The following FAT1 variants were observed in gnomAD, a reference collection of about 807,000 sequenced individuals.
FAT1 encodes FAT atypical cadherin 1.
A neutral mutation model predicts 329.8 loss-of-function variants in FAT1; 171 were observed. The observed-to-expected ratio is 0.52, with a 90% CI of 0.46 to 0.59. The LOEUF (loss-of-function observed/expected upper bound fraction) is 0.59. Among genes scored for constraint, FAT1 ranks in the 20% least tolerant of loss-of-function variants. The pLI, the probability that FAT1 is intolerant of heterozygous loss-of-function variation, is 0.00. For missense variants in FAT1, 5,672 were observed against 5,774.4 expected, an observed-to-expected ratio of 0.98 and a Z score of 0.57; for synonymous variants, 2,233 against 2,228.6, an observed-to-expected ratio of 1.00 and a Z score of -0.06.
chr4:186,678,442 TAATA>T (rs1388075770), intron 2 of FAT1, among the ~76,000 whole-genome samples: 6 of 149,524 alleles, frequency 4.0e-5, no homozygotes, highest in Non-Finnish European at 5.9e-5. Context: ...TATAATATAA[TAATA>T]AATAAATATT....
Position 186,595,869 on chromosome 4 carries a change from G to A in FAT1, c.13001-43C>T, listed in dbSNP as rs139127716. The A allele has an allele frequency of 9.4e-5, 151 of 1,606,380 alleles. 1 individual carries two copies. The African/African-American group carries it at 1.7e-3, about 18-fold the overall frequency. On this transcript the variant is annotated intron_variant, in intron 25 of 26. Transcript: ENST00000441802. ...AAACAGTAAGTATATGGGCCAAGAC[G>A]GTTTTGTTCACCGCTGAATCCTGAG...
Position 186,600,281 on chromosome 4 carries a change from T to C in FAT1, c.11720A>G (p.Asn3907Ser), listed in dbSNP as rs200662687. The stretch of plus-strand genomic sequence containing the variant: ...GGCCACTGCGTGCCACTGCCCATCA[T>C]TGACCTGAATGCTCTGAACAGAGAC... The part of the protein sequence containing the change: ...GIVSVQSIQV[N>S]DGQWHAVALE... Residue 3907 changes from asparagine to serine, a missense_variant, in exon 22 of 27, where the codon AAT (asparagine) becomes AGT (serine). Asn to Ser is a conservative substitution (Grantham distance 46, BLOSUM62 1). Around this residue, in one of 2 missense-constraint regions of FAT1, gnomAD observed 1,706 missense variants for 1,859.1 expected, o/e 0.92. Transcript: ENST00000441802. 2.1e-4 allele frequency: 342 copies of C among 1,613,892 alleles called. 2 individuals are homozygous for C. Among genetic ancestry groups the C allele is most frequent in the South Asian group, 1.8e-3 (164 of 91,012 alleles).
At position 186,618,331 on chromosome 4, in the gene FAT1, A is replaced by G. The variant is rs1279435939; in HGVS notation, c.8255T>C (p.Val2752Ala). 6.2e-7 allele frequency: 1 copy of G among 1,614,044 alleles called. No homozygotes were observed. The highest frequency in any genetic ancestry group is 8.5e-7 in the Non-Finnish European group (1 of 1,179,898). ...TPESNRDESF[V>A]IDRQSGRLKL... ...CAGTCTCCCGCTCTGTCTGTCAATCACAAAGGACTCATCCCTATTGCTTTC... is the reference window on the plus strand; with the variant it reads ...CAGTCTCCCGCTCTGTCTGTCAATCGCAAAGGACTCATCCCTATTGCTTTC... Residue 2752 changes from valine (V) to alanine (A), a missense_variant, in exon 10 of 27, where the codon GTG (valine) becomes GCG (alanine). Coordinates refer to ENST00000441802, the MANE Select transcript of FAT1 (RefSeq NM_005245.4).
intron 11 of FAT1, among the ~76,000 whole-genome samples, chr4:186,616,316 C>G (rs972347884): frequency 6.6e-6 from 1 of 152,124 alleles, no homozygotes; most frequent in Non-Finnish European, 1.5e-5. Flanking sequence ...CACCCTTTTC[C>G]AAGACTCTCA....
intron 2 of FAT1, among the ~76,000 whole-genome samples, chr4:186,666,479 A>C (rs952006721): frequency 3.9e-5 from 6 of 152,222 alleles, no homozygotes; most frequent in Admixed American, 2.6e-4. Flanking sequence ...CACATTAACA[A>C]AATGTACACA....
Position 186,708,105 on chromosome 4 carries a change from C to T in FAT1, c.1723G>A (p.Glu575Lys), listed in dbSNP as rs2126693899. 6.2e-7 allele frequency: 1 copy of T among 1,613,954 alleles called. No homozygotes were observed. Among genetic ancestry groups the T allele is most frequent in the Non-Finnish European group, 8.5e-7 (1 of 1,179,884 alleles). The change falls in exon 2 of 27, where the codon GAA becomes AAA. Residue 575 changes from glutamate (E) to lysine (K), a missense_variant. Physicochemically the swap from Glu to Lys is moderately conservative, Grantham distance 56. Around this residue, in one of 2 missense-constraint regions of FAT1, gnomAD observed 3,966 missense variants for 3,915.2 expected, o/e 1.01. Transcript: ENST00000441802. ...CCTAGATCTCTGGGAATTGTCCCTT[C>T]ACAATTTATTTTCTCAAACAAAGGT... ...NTPLFEKINC[E>K]GTIPRDLGVG...
Position 186,603,458 on chromosome 4 carries a change from G to A in FAT1, c.11068C>T (p.Pro3690Ser), listed in dbSNP as rs2126428480. 2 of 1,613,966 alleles carry A rather than the reference G, an allele frequency of 1.2e-6. No individual in the cohort carries two copies. The highest frequency in any genetic ancestry group is 8.5e-7 in the Non-Finnish European group (1 of 1,179,896). The part of the protein sequence containing the change: ...IVSLQSSEPH[P>S]HLDVLLFVEK... ...ACAAAAAGTAAGACGTCCAGATGTG[G>A]GTGAGGTTCAGAGGACTGCAAACTA... Residue 3690 changes from proline (P) to serine (S), a missense_variant, in exon 19 of 27, where the codon CCA (proline) becomes TCA (serine). By Grantham distance (74) the Pro-to-Ser change is moderately conservative. This residue lies in a region of FAT1 where 1,706 missense variants were observed against 1,859.1 expected (regional missense o/e 0.92). Coordinates refer to ENST00000441802, the MANE Select transcript of FAT1 (RefSeq NM_005245.4).
At chr4:186,706,081 T>C (rs1157754182) in intron 2 of FAT1, among the ~76,000 whole-genome samples, 1 of 152,132 alleles carries the variant, frequency 6.6e-6, no homozygotes, top group African/African-American at 2.4e-5. Flanking sequence ...AAGACCACAT[T>C]AGAGAAGTTT....
At chr4:186,693,322 T>C (rs76096441) in intron 2 of FAT1, among the ~76,000 whole-genome samples, 2,048 of 152,298 alleles carry the variant, frequency 0.013, 29 homozygotes, top group Non-Finnish European at 0.022. Context: ...AACACAGTAC[T>C]CGGCAGCTCC....
chr4:186,606,789 CTTCT>C (rs1739166142), intron 16 of FAT1, among the ~76,000 whole-genome samples: 1 of 152,198 alleles, frequency 6.6e-6, no homozygotes, highest in Non-Finnish European at 1.5e-5. Flanking sequence ...AGTGAGATAG[CTTCT>C]TTTTCAGGGC....
chr4:186,635,190 G>A (rs540069536), intron 6 of FAT1, among the ~76,000 whole-genome samples: 3 of 152,228 alleles, frequency 2.0e-5, no homozygotes, highest in South Asian at 2.1e-4. Context: ...TGGGGGCTTC[G>A]GGTTAGCATG....
intron 2 of FAT1, among the ~76,000 whole-genome samples, chr4:186,667,803 C>T (rs1742526982): frequency 6.6e-6 from 1 of 152,198 alleles, no homozygotes; most frequent in Non-Finnish European, 1.5e-5. Context: ...CTTGCTTAAG[C>T]CCTGGAGTGA....
chr4:186,709,898 G>A, intron 1 of FAT1, 53 bp from the exon 2 acceptor site: 1 of 1,447,880 alleles, frequency 6.9e-7, no homozygotes, highest in Non-Finnish European at 9.2e-7. Flanking sequence ...ACAAGCAAAA[G>A]TGTGTACATT....
At chr4:186,700,492 A>G (rs1156819328) in intron 2 of FAT1, among the ~76,000 whole-genome samples, 1 of 152,158 alleles carries the variant, frequency 6.6e-6, no homozygotes, top group Non-Finnish European at 1.5e-5. Context: ...GCAATATGTC[A>G]TTCAGAGTAA....
intron 16 of FAT1, among the ~76,000 whole-genome samples, chr4:186,607,205 A>G (rs147655338): frequency 6.6e-6 from 1 of 152,236 alleles, no homozygotes; most frequent in Non-Finnish European, 1.5e-5. Flanking sequence ...CTGAAATTTC[A>G]TTCTTAATCA....
At chr4:186,664,518 G>A (rs1742339253) in intron 2 of FAT1, among the ~76,000 whole-genome samples, 1 of 152,168 alleles carries the variant, frequency 6.6e-6, no homozygotes, top group African/African-American at 2.4e-5. Flanking sequence ...TTCTTAGTAA[G>A]TCAACTAGCA....
At chr4:186,591,325 AT>A (rs778810792) in intron 26 of FAT1, among the ~76,000 whole-genome samples, 47 of 152,356 alleles carry the variant, frequency 3.1e-4, no homozygotes, top group Admixed American at 6.5e-4. Flanking sequence ...TGGGACAAAT[AT>A]TTGATTGATA....
At chr4:186,630,095 A>G (rs1740517496) in intron 7 of FAT1, among the ~76,000 whole-genome samples, 2 of 152,226 alleles carry the variant, frequency 1.3e-5, no homozygotes, top group South Asian at 2.1e-4. Context: ...TCCATGCCCA[A>G]TGCTTGCCTG....
chr4:186,708,294 T>C lies in FAT1; in HGVS notation c.1534A>G (p.Ile512Val), dbSNP rs1206572187. 6.2e-7 allele frequency: 1 copy of C among 1,613,968 alleles called. No individual in the cohort carries two copies. The highest frequency in any genetic ancestry group is 1.7e-5 in the Admixed American group (1 of 60,008). ...IANLNHVPFAIDHFTGAVSTS... is the reference protein window; with the variant it reads ...IANLNHVPFAVDHFTGAVSTS... ...CTCACGGCACCAGTGAAATGGTCAATCGCAAACGGCACATGATTTAAATTT... is the reference window on the plus strand; with the variant it reads ...CTCACGGCACCAGTGAAATGGTCAACCGCAAACGGCACATGATTTAAATTT... The change falls in exon 2 of 27, where the codon ATT becomes GTT. Residue 512 changes from isoleucine (I) to valine (V), a missense_variant. Transcript: ENST00000441802.
Sources: allele counts gnomAD v4.1 joint callset (sites outside exome capture counted in the v4.1 genomes callset), GRCh38; gene constraint gnomAD v4.1.1; regional missense constraint gnomAD v4.1.1; transcripts MANE v1.5; gene names NCBI Gene and HGNC (gene_info 2026-07-23, HGNC 2026-07-21).